PCDHGB7: variants seen among roughly 807,000 people sequenced by gnomAD.
The protein encoded by PCDHGB7 is protocadherin gamma-B7.
PCDHGB7 carries 37 observed loss-of-function variants against 61.4 expected under a neutral mutation model. The ratio of observed to expected loss-of-function variants is 0.60; its 90% CI spans 0.46 to 0.79. PCDHGB7 has a LOEUF of 0.79. PCDHGB7 is among the 30% of genes least tolerant of loss of function. The pLI is 0.00. For synonymous variants in PCDHGB7, 464 were observed against 503.5 expected (o/e 0.92, Z 1.05); for missense variants, 1,166 against 1,202.5 (o/e 0.97, Z 0.45).
chr5:141,478,092 C>T (rs2099429960), intron 1 of PCDHGB7: 1 of 1,614,156 alleles, frequency 6.2e-7, no homozygotes, highest in Non-Finnish European at 8.5e-7. Flanking sequence ...CTCTCCACCA[C>T]TGCTACCCTC....
intron 1 of PCDHGB7, chr5:141,422,827 A>T: frequency 6.2e-7 from 1 of 1,614,208 alleles, no homozygotes; most frequent in Non-Finnish European, 8.5e-7. Context: ...ACTGAGAGTG[A>T]TAGCACGTGA....
chr5:141,503,471 C>A (rs2099820129), intron 2 of PCDHGB7, among the ~76,000 whole-genome samples: 1 of 151,836 alleles, frequency 6.6e-6, no homozygotes, highest in African/African-American at 2.4e-5. Context: ...GGCATGTGTG[C>A]ACTTGTCGTC....
intron 1 of PCDHGB7, among the ~76,000 whole-genome samples, chr5:141,448,917 C>T (rs913804081): frequency 2.6e-5 from 4 of 152,130 alleles, no homozygotes; most frequent in African/African-American, 9.7e-5. Context: ...TGCACTCCAG[C>T]CTGGGCGACA....
At chr5:141,481,346 C>T (rs2099536003) in intron 1 of PCDHGB7, among the ~76,000 whole-genome samples, 1 of 152,248 alleles carries the variant, frequency 6.6e-6, no homozygotes, top group Non-Finnish European at 1.5e-5. Context: ...ATTATTTAAA[C>T]ATCTACAGCT....
Position 141,511,002 on chromosome 5 carries a change from C to A in PCDHGB7, c.2619C>A (p.Ser873Arg), listed in dbSNP as rs143630962. The change falls in exon 4 of 4, where the codon AGC becomes AGA. Residue 873 changes from serine to arginine, a missense_variant. Physicochemically the swap from Ser to Arg is moderately radical, Grantham distance 110. Transcript: ENST00000398594. Reference protein sequence around the residue: ...LGGGAGTMGLSARYGPQFTLQ... With the variant: ...LGGGAGTMGLRARYGPQFTLQ... ...GGGGTGCCGGCACCATGGGATTGAG[C>A]GCCCGCTACGGACCCCAGTTCACCC... The A allele has an allele frequency of 8.7e-6, 14 of 1,614,140 alleles. No homozygotes were observed. The highest frequency in any genetic ancestry group is 1.2e-5 in the Non-Finnish European group (14 of 1,180,018).
At chr5:141,471,963 T>C (rs2024084) in intron 1 of PCDHGB7, among the ~76,000 whole-genome samples, 27,680 of 152,068 alleles carry the variant, frequency 0.18, 3,629 homozygotes, top group African/African-American at 0.37. Context: ...GTGGGGTTGG[T>C]TGCATTACTG....
chr5:141,445,276 C>T (rs761058385), intron 1 of PCDHGB7, among the ~76,000 whole-genome samples: 1 of 152,218 alleles, frequency 6.6e-6, no homozygotes, highest in Non-Finnish European at 1.5e-5. Flanking sequence ...AACCACTCTG[C>T]ATAAGTTCAG....
intron 3 of PCDHGB7, 119 bp downstream of exon 3, chr5:141,505,600 G>T: frequency 1.3e-6 from 2 of 1,554,224 alleles, no homozygotes; most frequent in Middle Eastern, 3.4e-4. Context: ...AGATCTTTCG[G>T]CAGGTCTGAA....
chr5:141,458,823 C>T (rs1185812086), intron 1 of PCDHGB7, among the ~76,000 whole-genome samples: 1 of 152,126 alleles, frequency 6.6e-6, no homozygotes, highest in African/African-American at 2.4e-5. Flanking sequence ...ACCTCTGCCT[C>T]CCAGGCTCAA....
Position 141,431,646 on chromosome 5 carries a change from G to A in PCDHGB7, c.2415+11372G>A. ...GCGGCCCAAGTTTTCAAACTAGATT[G>A]TAATTCAGGGACAATATCAACAATA... On this transcript the variant is annotated intron_variant, in intron 1 of 3. Coordinates refer to ENST00000398594, the MANE Select transcript of PCDHGB7 (RefSeq NM_018927.4). The surrounding 1 kb of genome is among the most constrained non-coding windows in gnomAD (Gnocchi z 4.8). 2 of 1,614,252 alleles carry A rather than the reference G, an allele frequency of 1.2e-6. No individual in the cohort carries two copies. Among genetic ancestry groups the A allele is most frequent in the Non-Finnish European group, 1.7e-6 (2 of 1,180,046 alleles).
rs1243958567 is a variant in PCDHGB7, at chr5:141,418,557, T to C, written c.698T>C (p.Ile233Thr). 4.3e-6 allele frequency: 7 copies of C among 1,613,860 alleles called. No homozygotes were observed. The East Asian group carries it at 1.6e-4, about 36-fold the overall frequency. The change falls in exon 1 of 4, where the codon ATA (isoleucine) becomes ACA (threonine). Residue 233 changes from isoleucine to threonine, a missense_variant. Coordinates refer to ENST00000398594, the MANE Select transcript of PCDHGB7 (RefSeq NM_018927.4). Reference protein sequence around the residue: ...SGTAQIRILVIDANDNPPVFS... With the variant: ...SGTAQIRILVTDANDNPPVFS... ...ACTGCTCAGATAAGAATCCTGGTAA[T>C]AGATGCCAATGACAACCCCCCAGTG... is the stretch of plus-strand genomic sequence containing the variant.
At position 141,487,688 on chromosome 5, in the gene PCDHGB7, G is replaced by A. The variant is rs376927186; in HGVS notation, c.2416-7119G>A. On this transcript the variant is annotated intron_variant, in intron 1 of 3. Coordinates refer to ENST00000398594, the MANE Select transcript of PCDHGB7 (RefSeq NM_018927.4). The surrounding 1 kb of genome is among the most constrained non-coding windows in gnomAD (Gnocchi z 5.0). ...AGGCATATGGCTAGGCCATGTCCTA[G>A]AGAGTACTGGCCTCTCAGTAAGTGC... 6.2e-7 allele frequency: 1 copy of A among 1,604,966 alleles called. No homozygotes were observed.
chr5:141,482,917 C>CA (rs761402624), intron 1 of PCDHGB7, among the ~76,000 whole-genome samples: 5 of 152,042 alleles, frequency 3.3e-5, no homozygotes, highest in Non-Finnish European at 7.4e-5. Context: ...ATTAAAAATA[C>CA]AAAAAATTAG....
Position 141,477,535 on chromosome 5 carries a change from G to A in PCDHGB7, c.2416-17272G>A, listed in dbSNP as rs2099412713. ...ACATTGAAGAAAACAACCTCCCCGG[G>A]GCTCCAATACTAAACCTAAGTGTCT... On this transcript the variant is annotated intron_variant, in intron 1 of 3. Transcript: ENST00000398594. The surrounding 1 kb of genome is among the most constrained non-coding windows in gnomAD (Gnocchi z 4.9). 1.2e-6 allele frequency: 2 copies of A among 1,613,936 alleles called. No homozygotes were observed. The highest frequency in any genetic ancestry group is 2.7e-5 in the African/African-American group (2 of 74,866).
chr5:141,498,976 G>A (rs1311505059), intron 2 of PCDHGB7, among the ~76,000 whole-genome samples: 1 of 13,010 alleles, frequency 7.7e-5, no homozygotes, highest in Non-Finnish European at 2.3e-4. Context: ...AGGGAGGGAA[G>A]GAAGGAAGGA....
intron 1 of PCDHGB7, chr5:141,478,134 C>A (rs2099431418): frequency 6.2e-7 from 1 of 1,614,074 alleles, no homozygotes; most frequent in African/African-American, 1.3e-5. Flanking sequence ...TCTCCTGAAG[C>A]CCGAGCCGAG....
intron 1 of PCDHGB7, chr5:141,441,986 C>G (rs2098288559): frequency 7.4e-6 from 2 of 269,216 alleles, no homozygotes; most frequent in Non-Finnish European, 1.5e-5. Flanking sequence ...GAATGCGCAC[C>G]GACGAGGTGC....
intron 3 of PCDHGB7, among the ~76,000 whole-genome samples, chr5:141,509,807 C>T (rs369661041): frequency 2.0e-5 from 3 of 152,104 alleles, no homozygotes; most frequent in Non-Finnish European, 4.4e-5. Context: ...TTCATAGAGC[C>T]GAGCTCTTCT....
chr5:141,502,470 G>A (rs1017558920), intron 2 of PCDHGB7, among the ~76,000 whole-genome samples: 5 of 150,916 alleles, frequency 3.3e-5, no homozygotes, highest in Admixed American at 2.6e-4. Flanking sequence ...AATACTTCCC[G>A]CAGCATCACA....
Sources: gnomAD v4.1 joint callset for allele counts (sites outside exome capture counted in the v4.1 genomes callset) on GRCh38, gnomAD v4.1.1 for gene constraint, Gnocchi (gnomAD v3.1) non-coding constraint, MANE v1.5 for transcripts, NCBI Gene and HGNC (gene_info 2026-07-23, HGNC 2026-07-21) for gene names.